The following RNF180 variants were observed in gnomAD, a reference collection of about 807,000 sequenced individuals.
RNF180 encodes the protein ring finger protein 180.
In RNF180, 38 loss-of-function variants were observed where a neutral mutation model predicts 59.2. The ratio of observed to expected loss-of-function variants is 0.64; its 90% confidence interval spans 0.50 to 0.84. RNF180 has a LOEUF of 0.84. Ranked by LOEUF, RNF180 falls within the 40% of genes least tolerant of loss-of-function variation. The pLI is 0.00. For synonymous variants in RNF180, 262 were observed against 240.3 expected, an observed-to-expected ratio of 1.09 and a Z score of -0.84; for missense variants, 705 against 700.9, an observed-to-expected ratio of 1.01 and a Z score of -0.07.
chr5:64,368,664 A>C (rs899556635), intron 7 of RNF180, among the ~76,000 whole-genome samples: 2 of 151,988 alleles, frequency 1.3e-5, no homozygotes, highest in African/African-American at 2.4e-5. Context: ...TGAACAGACA[A>C]TTCTCAAAAG....
At chr5:64,322,602 C>CGTGTGTGTGTGTGTGTGT (rs76117470) in intron 5 of RNF180, among the ~76,000 whole-genome samples, 34 of 143,502 alleles carry the variant, frequency 2.4e-4, no homozygotes, top group East Asian at 8.4e-4. Flanking sequence ...TATATATATA[C>CGTGTGTGTGTGTGTGTGT]GTGTGTGTGT....
rs192717361 is a variant in RNF180, at chr5:64,177,295, C to G, written c.-1+11342C>G. Among the ~76,000 whole-genome samples, 212 of 151,988 alleles carry G rather than the reference C, an allele frequency of 1.4e-3. 1 individual carries two copies. The highest frequency in any genetic ancestry group is 4.6e-3 in the African/African-American group (192 of 41,498). ...TTTTCCTTGTTTTAGATGTCCATAT[C>G]TCTTCATTCTACTTGGCTGATGCTA... On this transcript the variant is annotated intron_variant, in intron 1 of 7. Transcript: ENST00000389100.
chr5:64,365,328 C>A (rs1221454525), intron 7 of RNF180, among the ~76,000 whole-genome samples: 1 of 151,568 alleles, frequency 6.6e-6, no homozygotes, highest in African/African-American at 2.4e-5. Flanking sequence ...GGGACCTCTT[C>A]TTATTGGATT....
At chr5:64,208,003 A>T (rs1206672507) in intron 2 of RNF180, among the ~76,000 whole-genome samples, 2 of 152,120 alleles carry the variant, frequency 1.3e-5, no homozygotes, top group Non-Finnish European at 2.9e-5. Flanking sequence ...TAATAATATT[A>T]TCAACTTTTT....
At chr5:64,175,241 A>C (rs1750170680) in intron 1 of RNF180, among the ~76,000 whole-genome samples, 1 of 152,178 alleles carries the variant, frequency 6.6e-6, no homozygotes, top group African/African-American at 2.4e-5. Flanking sequence ...AGCTGGGATT[A>C]CAGGCATGAG....
At chr5:64,349,557 T>C (rs1405677889) in intron 7 of RNF180, among the ~76,000 whole-genome samples, 2 of 151,992 alleles carry the variant, frequency 1.3e-5, no homozygotes, top group Non-Finnish European at 2.9e-5. Flanking sequence ...ATTAGGTATA[T>C]CTCCTAATAT....
intron 7 of RNF180, among the ~76,000 whole-genome samples, chr5:64,351,836 G>A (rs1469833219): frequency 6.6e-6 from 1 of 152,122 alleles, no homozygotes; most frequent in South Asian, 2.1e-4. Context: ...TTGCATCAAT[G>A]TTCATCAGGG....
In RNF180 at chr5:64,279,677, A is replaced by G. The variant is rs72752832; in HGVS notation, c.1228-45509A>G. On this transcript the variant is annotated intron_variant, in intron 5 of 7. Transcript: ENST00000389100. ...TATCAGTTAATTTTTCACAATGAAT[A>G]TTTATTGAGAATCTAAACACATTTT... is the stretch of plus-strand genomic sequence containing the variant. Among the ~76,000 whole-genome samples the G allele has an allele frequency of 5.3e-3, 812 of 152,304 alleles. 7 individuals carry two copies. The highest frequency in any genetic ancestry group is 0.022 in the South Asian group (106 of 4,828).
At chr5:64,291,805 T>C (rs1232485902) in intron 5 of RNF180, among the ~76,000 whole-genome samples, 1 of 152,164 alleles carries the variant, frequency 6.6e-6, no homozygotes, top group East Asian at 1.9e-4. Context: ...TTGGTCTTTT[T>C]ACATAGTTTC....
intron 1 of RNF180, among the ~76,000 whole-genome samples, chr5:64,185,528 T>C (rs1256808794): frequency 6.6e-6 from 1 of 152,138 alleles, no homozygotes; most frequent in Non-Finnish European, 1.5e-5. Flanking sequence ...TCTAATTAGG[T>C]TTTTTTCCCA....
intron 5 of RNF180, among the ~76,000 whole-genome samples, chr5:64,309,801 T>G (rs900839071): frequency 1.3e-5 from 2 of 151,576 alleles, no homozygotes; most frequent in Non-Finnish European, 3.0e-5. Flanking sequence ...AACCTTTATA[T>G]TTTAAAAAAT....
intron 5 of RNF180, among the ~76,000 whole-genome samples, chr5:64,227,670 G>C (rs1344581816): frequency 6.6e-6 from 1 of 152,204 alleles, no homozygotes; most frequent in Non-Finnish European, 1.5e-5. Context: ...CTGGAGGTCA[G>C]TTTTAGAACA....
chr5:64,266,144 T>A (rs1230228990), intron 5 of RNF180, among the ~76,000 whole-genome samples: 1 of 152,222 alleles, frequency 6.6e-6, no homozygotes, highest in Non-Finnish European at 1.5e-5. Context: ...GTTTTCCAGA[T>A]ATACAATCAT....
intron 5 of RNF180, among the ~76,000 whole-genome samples, chr5:64,273,244 G>C (rs941459984): frequency 5.3e-5 from 8 of 152,006 alleles, no homozygotes; most frequent in African/African-American, 1.9e-4. Flanking sequence ...CCTCAGTTCT[G>C]GGGGGAATTG....
chr5:64,262,015 T>C (rs980643262), intron 5 of RNF180, among the ~76,000 whole-genome samples: 2 of 152,170 alleles, frequency 1.3e-5, no homozygotes, highest in Non-Finnish European at 2.9e-5. Flanking sequence ...GCCAGTATTA[T>C]CCCTGTTCTC....
intron 7 of RNF180, among the ~76,000 whole-genome samples, chr5:64,344,534 AACAC>A (rs1396328934): frequency 7.7e-6 from 1 of 130,094 alleles, no homozygotes; most frequent in Non-Finnish European, 1.7e-5. Context: ...TAGAAAAAAA[AACAC>A]ACACAATGAT....
intron 5 of RNF180, among the ~76,000 whole-genome samples, chr5:64,232,273 G>A (rs1220604631): frequency 6.6e-6 from 1 of 152,222 alleles, no homozygotes; most frequent in Non-Finnish European, 1.5e-5. Flanking sequence ...AATGTGTAGT[G>A]CAGTGGTTCT....
chr5:64,281,696 C>T (rs1028258939), intron 5 of RNF180, among the ~76,000 whole-genome samples: 2 of 152,086 alleles, frequency 1.3e-5, no homozygotes, highest in Non-Finnish European at 2.9e-5. Context: ...CAAGGTTTCA[C>T]CATGTTGGCC....
chr5:64,186,358 G>A (rs980989995), intron 1 of RNF180, among the ~76,000 whole-genome samples: 2 of 152,044 alleles, frequency 1.3e-5, no homozygotes, highest in Admixed American at 1.3e-4. Flanking sequence ...TTAACATAAG[G>A]TAAATATGTT....
Sources: allele counts gnomAD v4.1 joint callset (sites outside exome capture counted in the v4.1 genomes callset), GRCh38; gene constraint gnomAD v4.1.1; transcripts MANE v1.5; gene names NCBI Gene and HGNC (gene_info 2026-07-23, HGNC 2026-07-21).